The following CNTNAP3 variants were observed in gnomAD, a reference collection of about 807,000 sequenced individuals.
CNTNAP3 encodes the protein contactin associated protein family member 3, also known as contactin-associated protein-like 3.
In CNTNAP3, 36 loss-of-function variants were observed where a neutral mutation model predicts 92.1. The ratio of observed to expected loss-of-function variants is 0.39; its 90% CI spans 0.30 to 0.52. The LOEUF is 0.52. Ranked by LOEUF, CNTNAP3 falls within the 20% of genes least tolerant of loss-of-function variation. CNTNAP3 has a pLI of 0.76. For missense variants in CNTNAP3, 534 were observed against 1,069.6 expected, an observed-to-expected ratio of 0.50 and a Z score of 6.98; for synonymous variants, 232 against 422.3, an observed-to-expected ratio of 0.55 and a Z score of 5.53.
chr9:39,133,060 G>A lies in CNTNAP3; in HGVS notation c.1952C>T (p.Pro651Leu), dbSNP rs753324474. 4 of 1,557,230 alleles carry A rather than the reference G, an allele frequency of 2.6e-6. No homozygotes were observed. The highest frequency in any genetic ancestry group is 4.6e-5 in the East Asian group (2 of 43,142). ...VTLRGAPSGH[P>L]RSAVSFAYAA... ...GTACGCGAAGGACACAGCCGAGCGC[G>A]GGTGCCCGCTGGGGGCACCTCGGAG... is the stretch of plus-strand genomic sequence containing the variant. The change falls in exon 13 of 24, where the codon CCG (proline) becomes CTG (leucine). Residue 651 changes from proline to leucine, a missense_variant. Transcript: ENST00000297668.
chr9:39,087,732 T>C (rs7047567), intron 19 of CNTNAP3, among the ~76,000 whole-genome samples: 34,685 of 151,770 alleles, frequency 0.23, 4,268 homozygotes, highest in East Asian at 0.38. Flanking sequence ...GTGATCCGCC[T>C]GCCTTGGCCT....
intron 17 of CNTNAP3, among the ~76,000 whole-genome samples, chr9:39,100,873 G>A (rs1289219234): frequency 1.3e-5 from 2 of 149,328 alleles, no homozygotes. Flanking sequence ...TAGGAGCATG[G>A]AAATTACCTA....
In CNTNAP3 at chr9:39,079,677, T is replaced by A. The variant is rs1285810018; in HGVS notation, c.3443-757A>T. On this transcript the variant is annotated intron_variant, in intron 21 of 23. Coordinates refer to ENST00000297668, the MANE Select transcript of CNTNAP3 (RefSeq NM_033655.5). The stretch of plus-strand genomic sequence containing the variant: ...TACACTATTTATTTCACATTATTTC[T>A]TTTTTTCCTTTTATTTTGCTGGTTT... Among the ~76,000 whole-genome samples, 80 of 101,444 alleles carry A rather than the reference T, an allele frequency of 7.9e-4. 1 individual carries two copies. Among genetic ancestry groups the A allele is most frequent in the African/African-American group, 1.9e-3 (40 of 21,300 alleles). The allele number at this position is 101,444 out of a possible 152,430, so 66.6% of individuals were successfully genotyped here. A position where few individuals can be genotyped will look rare whatever the true frequency, so the allele number is the denominator to read the frequency against.
At chr9:39,103,162 G>C (rs1826507244) in intron 16 of CNTNAP3, among the ~76,000 whole-genome samples, 1 of 152,262 alleles carries the variant, frequency 6.6e-6, no homozygotes, top group South Asian at 2.1e-4. Flanking sequence ...AATATTTTTG[G>C]AATTCAGTAA....
chr9:39,087,775 C>G (rs1826096899), intron 19 of CNTNAP3, among the ~76,000 whole-genome samples: 1 of 152,236 alleles, frequency 6.6e-6, no homozygotes, highest in Non-Finnish European at 1.5e-5. Context: ...CGTGAGCCAC[C>G]ACATCCAGCC....
chr9:39,138,087 T>C (rs969276710), intron 12 of CNTNAP3, among the ~76,000 whole-genome samples: 1 of 151,692 alleles, frequency 6.6e-6, no homozygotes, highest in African/African-American at 2.4e-5. Flanking sequence ...GGTGGGGGTC[T>C]CACTGTGTTG....
At chr9:39,114,956 A>C (rs1820819756) in intron 14 of CNTNAP3, among the ~76,000 whole-genome samples, 2 of 151,012 alleles carry the variant, frequency 1.3e-5, no homozygotes, top group African/African-American at 4.9e-5. Context: ...ACATTTATAC[A>C]CATATATTGA....
At chr9:39,099,148 G>A (rs1323877254) in intron 18 of CNTNAP3, among the ~76,000 whole-genome samples, 1 of 151,904 alleles carries the variant, frequency 6.6e-6, no homozygotes, top group Non-Finnish European at 1.5e-5. Flanking sequence ...TAAAGATGAG[G>A]TTTCACCATG....
At chr9:39,084,194 GTTTTTTTTTTT>G (rs201621606) in intron 21 of CNTNAP3, among the ~76,000 whole-genome samples, 7 of 116,876 alleles carry the variant, frequency 6.0e-5, no homozygotes, top group African/African-American at 1.9e-4. Context: ...TGCTCACCAA[GTTTTTTTTTTT>G]TTTTTTTTTT....
intron 9 of CNTNAP3, chr9:39,159,484 G>A (rs867968266): frequency 7.7e-5 from 10 of 129,794 alleles, no homozygotes; most frequent in East Asian, 4.4e-4. Flanking sequence ...CATCATGCCC[G>A]GCTAAATTTT....
At chr9:39,114,031 T>TACAC (rs201660566) in intron 14 of CNTNAP3, among the ~76,000 whole-genome samples, 1,346 of 132,168 alleles carry the variant, frequency 0.01, 30 homozygotes, top group African/African-American at 0.036. Flanking sequence ...TATACACACA[T>TACAC]ATATACACAC....
chr9:39,077,687 A>G (rs1268862856), intron 23 of CNTNAP3, among the ~76,000 whole-genome samples: 1 of 152,244 alleles, frequency 6.6e-6, no homozygotes, highest in Admixed American at 6.5e-5. Context: ...ATGCTCTGAT[A>G]ATTAGCTGAG....
At chr9:39,129,206 A>G (rs2118027229) in intron 13 of CNTNAP3, among the ~76,000 whole-genome samples, 1 of 152,370 alleles carries the variant, frequency 6.6e-6, no homozygotes, top group Admixed American at 6.5e-5. Flanking sequence ...GAAAAAGAAG[A>G]ATAAAGCAGG....
At chr9:39,125,260 A>G (rs540189301) in intron 13 of CNTNAP3, among the ~76,000 whole-genome samples, 1 of 152,096 alleles carries the variant, frequency 6.6e-6, no homozygotes, top group Non-Finnish European at 1.5e-5. Flanking sequence ...CCGCAAGGAC[A>G]AAAAAACAAA....
Position 39,139,002 on chromosome 9 carries a change from C to G in CNTNAP3, c.1876+1517G>C, listed in dbSNP as rs1000283176. Reference sequence around the variant, plus strand: ...GCAACTGCTTTTTGAAGGTTATTACCATATATACATTTCAAGCTATTAGAG... The same window carrying G: ...GCAACTGCTTTTTGAAGGTTATTACGATATATACATTTCAAGCTATTAGAG... On this transcript the variant is annotated intron_variant, in intron 12 of 23. Transcript: ENST00000297668. Among the ~76,000 whole-genome samples, 4 of 152,106 alleles carry G rather than the reference C, an allele frequency of 2.6e-5. 1 individual carries two copies. The highest frequency in any genetic ancestry group is 7.2e-5 in the African/African-American group (3 of 41,418).
intron 15 of CNTNAP3, chr9:39,106,583 C>A (rs1826611037): frequency 6.6e-6 from 1 of 152,124 alleles, no homozygotes; most frequent in Non-Finnish European, 1.5e-5. Flanking sequence ...CACACTTTCT[C>A]TTCTCCATAC....
intron 13 of CNTNAP3, among the ~76,000 whole-genome samples, chr9:39,131,025 T>G (rs540790182): frequency 6.6e-6 from 1 of 151,986 alleles, no homozygotes; most frequent in South Asian, 2.1e-4. Context: ...AGAGGAGAAA[T>G]AGGGAAATTC....
intron 23 of CNTNAP3, among the ~76,000 whole-genome samples, chr9:39,074,702 G>A (rs1825706999): frequency 6.6e-6 from 1 of 152,160 alleles, no homozygotes; most frequent in African/African-American, 2.4e-5. Flanking sequence ...ATCATTACAT[G>A]TTATTGTTAG....
chr9:39,079,619 A>C (rs186621248), intron 21 of CNTNAP3, among the ~76,000 whole-genome samples: 1 of 149,714 alleles, frequency 6.7e-6, no homozygotes, highest in Non-Finnish European at 1.5e-5. Context: ...TCTTTAGAGT[A>C]ATAACCACTA....
Sources: gnomAD v4.1 joint callset for allele counts (sites outside exome capture counted in the v4.1 genomes callset) on GRCh38, gnomAD v4.1.1 for gene constraint, MANE v1.5 for transcripts, NCBI Gene and HGNC (gene_info 2026-07-23, HGNC 2026-07-21) for gene names.